The following LINGO2 variants were observed in gnomAD, a reference collection of about 807,000 sequenced individuals.
LINGO2 encodes the protein leucine rich repeat and Ig domain containing 2.
LINGO2 carries 14 observed loss-of-function variants against 30.6 expected under a neutral mutation model. The ratio of observed to expected loss-of-function variants is 0.46; its 90% confidence interval spans 0.30 to 0.72. The LOEUF (loss-of-function observed/expected upper bound fraction) is 0.72, where lower values mean the gene tolerates loss of function less well. Ranked by LOEUF, LINGO2 falls within the 30% of genes least tolerant of loss-of-function variation. The probability of loss-of-function intolerance (pLI) is 0.07; values close to 1 mark genes in which losing one functional copy is unlikely to be tolerated. For missense variants in LINGO2, 729 were observed against 751.7 expected, an observed-to-expected ratio of 0.97 and a Z score of 0.35; for synonymous variants, 317 against 288.5, an observed-to-expected ratio of 1.10 and a Z score of -1.00.
chr9:28,894,529 A>T, the LINGO2 span, among the ~76,000 whole-genome samples: 7 of 151,976 alleles, frequency 4.6e-5, no homozygotes, highest in Admixed American at 3.9e-4. Context: ...ATTAAAATAC[A>T]CTGCTATATT....
chr9:28,085,874 G>T (rs189039902), intron 4 of LINGO2, among the ~76,000 whole-genome samples: 1 of 152,038 alleles, frequency 6.6e-6, no homozygotes, highest in Non-Finnish European at 1.5e-5. Flanking sequence ...TTGAATTCGT[G>T]AGTGTCTATA....
the LINGO2 span, among the ~76,000 whole-genome samples, chr9:29,048,073 T>G: frequency 2.0e-5 from 3 of 152,142 alleles, no homozygotes. Context: ...ATCACGCCAC[T>G]GCACTCCAGC....
At chr9:29,176,614 C>T in the LINGO2 span, among the ~76,000 whole-genome samples, 1 of 152,152 alleles carries the variant, frequency 6.6e-6, no homozygotes, top group Non-Finnish European at 1.5e-5. Context: ...CAGGAAAGAG[C>T]TTATCTAATT....
chr9:28,261,213 G>A (rs1350740962), intron 4 of LINGO2, among the ~76,000 whole-genome samples: 1 of 151,780 alleles, frequency 6.6e-6, no homozygotes, highest in African/African-American at 2.4e-5. Context: ...AGCATAACAA[G>A]GAAAGTCCTC....
the LINGO2 span, among the ~76,000 whole-genome samples, chr9:29,168,275 T>C: frequency 6.6e-6 from 1 of 152,002 alleles, no homozygotes; most frequent in African/African-American, 2.4e-5. Flanking sequence ...AAAAAAAACC[T>C]CTGTAAATTT....
chr9:28,609,441 T>C (rs16913398), intron 1 of LINGO2, among the ~76,000 whole-genome samples: 5,960 of 151,836 alleles, frequency 0.039, 406 homozygotes, highest in African/African-American at 0.13. Flanking sequence ...AGACTTCTAG[T>C]TGAAAAAAAG....
the LINGO2 span, among the ~76,000 whole-genome samples, chr9:29,210,094 C>T: frequency 4.2e-4 from 64 of 152,268 alleles, no homozygotes; most frequent in Admixed American, 1.4e-3. Flanking sequence ...GTGACAACTT[C>T]CTATCACTTC....
At chr9:28,084,535 T>C (rs1287796216) in intron 4 of LINGO2, among the ~76,000 whole-genome samples, 1 of 152,108 alleles carries the variant, frequency 6.6e-6, no homozygotes, top group Non-Finnish European at 1.5e-5. Context: ...ATTTAATTCT[T>C]CAAATTAAAG....
intron 5 of LINGO2, among the ~76,000 whole-genome samples, chr9:27,963,669 T>G (rs1191107157): frequency 6.6e-6 from 1 of 151,688 alleles, no homozygotes; most frequent in Non-Finnish European, 1.5e-5. Flanking sequence ...GACTTTTTTG[T>G]TTTTTTGAAG....
At chr9:28,274,984 T>C (rs1443412572) in intron 4 of LINGO2, among the ~76,000 whole-genome samples, 2 of 152,204 alleles carry the variant, frequency 1.3e-5, no homozygotes, top group African/African-American at 4.8e-5. Context: ...ATTGATTTCC[T>C]GTCAGTATGA....
chr9:29,114,212 G>A, the LINGO2 span, among the ~76,000 whole-genome samples: 8 of 151,198 alleles, frequency 5.3e-5, no homozygotes, highest in Non-Finnish European at 1.2e-4. Context: ...TATTTATTGA[G>A]TGGAGTCACT....
At chr9:28,486,867 A>G (rs1022979470) in intron 1 of LINGO2, among the ~76,000 whole-genome samples, 4 of 151,904 alleles carry the variant, frequency 2.6e-5, no homozygotes, top group African/African-American at 9.7e-5. Flanking sequence ...ATACAGCCAG[A>G]CTCTCTTTTG....
chr9:28,637,495 G>A (rs1020895409), intron 1 of LINGO2, among the ~76,000 whole-genome samples: 6 of 151,914 alleles, frequency 3.9e-5, no homozygotes, highest in Middle Eastern at 3.4e-3. Context: ...CTTTTATTTC[G>A]TTGAGCAGTG....
At chr9:28,601,645 C>T (rs1825481246) in intron 1 of LINGO2, among the ~76,000 whole-genome samples, 1 of 152,066 alleles carries the variant, frequency 6.6e-6, no homozygotes, top group South Asian at 2.1e-4. Flanking sequence ...TATACCATTT[C>T]ACATTCGTTA....
chr9:28,504,423 C>T (rs540075948), intron 1 of LINGO2, among the ~76,000 whole-genome samples: 2 of 151,670 alleles, frequency 1.3e-5, no homozygotes, highest in Admixed American at 6.6e-5. Flanking sequence ...CACAAGGGGC[C>T]GATTTCAAAA....
chr9:29,130,978 G>C, the LINGO2 span, among the ~76,000 whole-genome samples: 1 of 152,228 alleles, frequency 6.6e-6, no homozygotes, highest in East Asian at 1.9e-4. Flanking sequence ...AAGACCTTAA[G>C]CAGCTGTTCA....
chr9:28,493,506 T>C (rs920289594), intron 1 of LINGO2, among the ~76,000 whole-genome samples: 2 of 152,204 alleles, frequency 1.3e-5, no homozygotes, highest in African/African-American at 2.4e-5. Context: ...TACCCATCTC[T>C]CCAAGTCTTT....
At chr9:28,596,687 T>C (rs994789991) in intron 1 of LINGO2, among the ~76,000 whole-genome samples, 2 of 152,218 alleles carry the variant, frequency 1.3e-5, no homozygotes, top group Admixed American at 1.3e-4. Flanking sequence ...TTCTCAACAA[T>C]GTATGATATC....
chr9:28,262,271 T>C (rs76737163), intron 4 of LINGO2, among the ~76,000 whole-genome samples: 1 of 6,046 alleles, frequency 1.7e-4, no homozygotes, highest in Non-Finnish European at 4.8e-4. Flanking sequence ...TGAATATTAC[T>C]TTTTTTTTTG....
Sources: gnomAD v4.1 joint callset for allele counts (sites outside exome capture counted in the v4.1 genomes callset) on GRCh38, gnomAD v4.1.1 for gene constraint, MANE v1.5 for transcripts, NCBI Gene and HGNC (gene_info 2026-07-23, HGNC 2026-07-21) for gene names.